Variants in RGS7 observed in about 807,000 individuals in gnomAD.
RGS7 encodes the protein regulator of G-protein signaling 7.
RGS7 carries 27 observed loss-of-function variants against 81.1 expected under a neutral mutation model. That is an observed-to-expected ratio of 0.33 (90% CI 0.25 to 0.46). The LOEUF is 0.46. RGS7 is among the 20% of genes least tolerant of loss of function. The pLI, the probability that RGS7 is intolerant of heterozygous loss-of-function variation, is 1.00. For synonymous variants in RGS7, 208 were observed against 207.7 expected (o/e 1.00, Z -0.01); for missense variants, 396 against 607.4 (o/e 0.65, Z 3.66).
chr1:240,983,536 A>C (rs1355809591), intron 3 of RGS7, among the ~76,000 whole-genome samples: 1 of 152,138 alleles, frequency 6.6e-6, no homozygotes, highest in East Asian at 1.9e-4. Flanking sequence ...TCCCCTCTCA[A>C]GTCAAACCAA....
At chr1:241,125,427 G>GACACACACACAAACACACAC (rs1553426763) in intron 2 of RGS7, among the ~76,000 whole-genome samples, 1 of 149,242 alleles carries the variant, frequency 6.7e-6, no homozygotes, top group East Asian at 2.0e-4. Flanking sequence ...CAAAGACATG[G>GACACACACACAAACACACAC]ACACACACAC....
At chr1:240,886,353 C>T (rs998267587) in intron 6 of RGS7, among the ~76,000 whole-genome samples, 3 of 152,212 alleles carry the variant, frequency 2.0e-5, no homozygotes, top group Admixed American at 2.0e-4. Flanking sequence ...AAGGAAAGTT[C>T]TGTCATTCAA....
rs111945864 is a variant in RGS7 at position 240,916,376 on chromosome 1, T to C, written c.385+14341A>G. Among the ~76,000 whole-genome samples, 582 of 151,534 alleles carry C rather than the reference T, an allele frequency of 3.8e-3. 2 individuals are homozygous for C. The highest frequency in any genetic ancestry group is 0.031 in the Middle Eastern group (9 of 294). ...TATAAAAGGCATAACATACATGTAA[T>C]GGGAAAATCAGAGAAGAAAGAAAAG... On this transcript the variant is annotated intron_variant, in intron 6 of 18. Coordinates refer to ENST00000440928, the MANE Select transcript of RGS7 (RefSeq NM_001364886.1).
intron 18 of RGS7, among the ~76,000 whole-genome samples, chr1:240,796,928 G>A (rs1242993104): frequency 3.3e-5 from 5 of 152,150 alleles, no homozygotes; most frequent in Admixed American, 2.0e-4. Flanking sequence ...ACAGATAATT[G>A]TCTTCATTAA....
At chr1:241,122,826 G>A (rs1410248131) in intron 2 of RGS7, among the ~76,000 whole-genome samples, 1 of 152,164 alleles carries the variant, frequency 6.6e-6, no homozygotes, top group Non-Finnish European at 1.5e-5. Context: ...CACTTGATTT[G>A]TTGACTCCTA....
intron 2 of RGS7, among the ~76,000 whole-genome samples, chr1:241,351,144 C>T (rs2083222563): frequency 1.3e-5 from 2 of 152,098 alleles, no homozygotes; most frequent in South Asian, 4.1e-4. Context: ...CACGGCTGGG[C>T]ACTGTGGCTC....
chr1:241,190,948 G>C (rs1326049612), intron 2 of RGS7, among the ~76,000 whole-genome samples: 1 of 152,028 alleles, frequency 6.6e-6, no homozygotes, highest in Non-Finnish European at 1.5e-5. Context: ...AGAGGGGATA[G>C]ATGTTCTTTA....
intron 2 of RGS7, among the ~76,000 whole-genome samples, chr1:241,326,906 T>C (rs1163813616): frequency 2.2e-5 from 3 of 136,808 alleles, no homozygotes; most frequent in South Asian, 4.7e-4. Flanking sequence ...TGAGACACTG[T>C]CAAAAAAAGA....
At chr1:241,302,483 A>T (rs1179526844) in intron 2 of RGS7, among the ~76,000 whole-genome samples, 1 of 152,150 alleles carries the variant, frequency 6.6e-6, no homozygotes, top group East Asian at 1.9e-4. Context: ...CGGGAGGCGG[A>T]GCTTGCAGTG....
intron 3 of RGS7, among the ~76,000 whole-genome samples, chr1:241,017,947 T>C (rs2059346904): frequency 6.7e-6 from 1 of 148,648 alleles, no homozygotes; most frequent in South Asian, 2.1e-4. Flanking sequence ...CGGGTTCTGA[T>C]GACTGCTTTG....
At chr1:240,820,039 A>T (rs1691500356) in intron 10 of RGS7, among the ~76,000 whole-genome samples, 1 of 152,222 alleles carries the variant, frequency 6.6e-6, no homozygotes, top group African/African-American at 2.4e-5. Context: ...GGAGGCAAAG[A>T]GATTAATCCT....
At chr1:240,807,017 G>C (rs1180178744) in intron 14 of RGS7, among the ~76,000 whole-genome samples, 1 of 152,182 alleles carries the variant, frequency 6.6e-6, no homozygotes, top group Non-Finnish European at 1.5e-5. Flanking sequence ...GGAATTATTT[G>C]AAAAGTTGAA....
At chr1:241,292,526 C>A (rs1019343580) in intron 2 of RGS7, among the ~76,000 whole-genome samples, 1 of 152,072 alleles carries the variant, frequency 6.6e-6, no homozygotes, top group South Asian at 2.1e-4. Context: ...GTGGTTTTCA[C>A]GTACTTAGTC....
intron 2 of RGS7, among the ~76,000 whole-genome samples, chr1:241,295,589 A>T (rs949665541): frequency 1.3e-5 from 2 of 152,230 alleles, no homozygotes; most frequent in Non-Finnish European, 2.9e-5. Context: ...CACGTCCTAA[A>T]GGCGTTGGAG....
intron 2 of RGS7, among the ~76,000 whole-genome samples, chr1:241,230,367 C>A (rs1025113630): frequency 6.6e-6 from 1 of 152,080 alleles, no homozygotes; most frequent in Non-Finnish European, 1.5e-5. Context: ...GTGTGTGCCA[C>A]CACGCCTGAC....
At chr1:241,336,072 A>G (rs1413884189) in intron 2 of RGS7, among the ~76,000 whole-genome samples, 2 of 152,092 alleles carry the variant, frequency 1.3e-5, no homozygotes, top group South Asian at 4.1e-4. Flanking sequence ...TTTTTTAAAG[A>G]TAAGTACTAG....
At chr1:241,349,614 T>C (rs1025246746) in intron 2 of RGS7, among the ~76,000 whole-genome samples, 2 of 152,162 alleles carry the variant, frequency 1.3e-5, no homozygotes, top group African/African-American at 2.4e-5. Context: ...TGTGGGCAAA[T>C]GGCAGAAAGA....
At chr1:241,118,299 A>T (rs1222857061) in intron 2 of RGS7, among the ~76,000 whole-genome samples, 2 of 152,224 alleles carry the variant, frequency 1.3e-5, no homozygotes, top group Non-Finnish European at 2.9e-5. Context: ...AACCAATCAC[A>T]GTCCTCCTCT....
chr1:241,258,335 C>T (rs2077145251), intron 2 of RGS7, among the ~76,000 whole-genome samples: 1 of 152,078 alleles, frequency 6.6e-6, no homozygotes, highest in African/African-American at 2.4e-5. Context: ...GAAAACCATT[C>T]TAGACTAAAG....
Sources: gnomAD v4.1 joint callset for allele counts (sites outside exome capture counted in the v4.1 genomes callset) on GRCh38, gnomAD v4.1.1 for gene constraint, MANE v1.5 for transcripts, NCBI Gene and HGNC (gene_info 2026-07-23, HGNC 2026-07-21) for gene names.